EVC2: variants seen among roughly 807,000 people sequenced by gnomAD.
The protein encoded by EVC2 is EvC ciliary complex subunit 2.
A neutral mutation model predicts 149.3 loss-of-function variants in EVC2; 148 were observed. That is an observed-to-expected ratio of 0.99 (90% CI 0.87 to 1.14). The LOEUF (loss-of-function observed/expected upper bound fraction) is 1.14. Among genes scored for constraint, EVC2 ranks in the 50% most tolerant of loss-of-function variants. The probability of loss-of-function intolerance (pLI) is 0.00; values close to 1 mark genes in which losing one functional copy is unlikely to be tolerated. For missense variants in EVC2, 1,854 were observed against 1,627.3 expected, an observed-to-expected ratio of 1.14 and a Z score of -2.40; for synonymous variants, 776 against 649.9, an observed-to-expected ratio of 1.19 and a Z score of -2.95.
At chr4:5,638,034 T>C (rs992848610) in intron 10 of EVC2, among the ~76,000 whole-genome samples, 1 of 152,154 alleles carries the variant, frequency 6.6e-6, no homozygotes, top group Non-Finnish European at 1.5e-5. Flanking sequence ...CCTTGTTTGC[T>C]GACCACTGCC....
At chr4:5,632,169 A>G in intron 10 of EVC2, 137 bp from the exon 11 acceptor site, 1 of 1,164,796 alleles carries the variant, frequency 8.6e-7, no homozygotes, top group Non-Finnish European at 1.2e-6. Flanking sequence ...CATATGCATT[A>G]CAATATATAC....
At chr4:5,536,580 C>G in the EVC2 span, among the ~76,000 whole-genome samples, 7 of 151,992 alleles carry the variant, frequency 4.6e-5, no homozygotes, top group East Asian at 1.9e-4. Flanking sequence ...GTCAGGAGAT[C>G]GAGACCATCT....
At chr4:5,572,829 G>A (rs989542276) in intron 19 of EVC2, among the ~76,000 whole-genome samples, 38 of 152,144 alleles carry the variant, frequency 2.5e-4, no homozygotes, top group African/African-American at 8.0e-4. Context: ...GAGAGTGGGA[G>A]ATGGCTCAGT....
rs930231120 is a variant in EVC2 at position 5,576,722 on chromosome 4, C to T, written c.3058-268G>A. On this transcript the variant is annotated intron_variant, in intron 17 of 21. Transcript: ENST00000344408. This position sits in a 1 kb window ranked among gnomAD's most constrained non-coding sequence, Gnocchi z 4.5. ...AATCCCCAGTCTTCTTTCACCCCTC[C>T]GCTTAAGAAGAAACTCCTTGGTGAA... Among the ~76,000 whole-genome samples the T allele has an allele frequency of 2.6e-5, 4 of 152,190 alleles. No homozygotes were observed. The highest frequency in any genetic ancestry group is 1.9e-4 in the East Asian group (1 of 5,196).
At chr4:5,597,401 G>A (rs1336981794) in intron 16 of EVC2, among the ~76,000 whole-genome samples, 1 of 152,114 alleles carries the variant, frequency 6.6e-6, no homozygotes, top group African/African-American at 2.4e-5. Context: ...TGGGATGGAA[G>A]GCTGGTTCAA....
rs1029052021 is a variant in EVC2 at position 5,622,104 on chromosome 4, G to A, written c.2501+433C>T. On this transcript the variant is annotated intron_variant, in intron 14 of 21. Coordinates refer to ENST00000344408, the MANE Select transcript of EVC2 (RefSeq NM_147127.5). The surrounding 1 kb of genome is among the most constrained non-coding windows in gnomAD (Gnocchi z 5.8). ...TGCCTGGTGAAACTAGCAGGGCCTGGAATGGCCTAACCGCAAGCTCCCCTT... is the reference window on the plus strand; with the variant it reads ...TGCCTGGTGAAACTAGCAGGGCCTGAAATGGCCTAACCGCAAGCTCCCCTT... 6.6e-6 allele frequency among the ~76,000 whole-genome samples: 1 copy of A among 152,082 alleles called. No homozygotes were observed. Among genetic ancestry groups the A allele is most frequent in the Non-Finnish European group, 1.5e-5 (1 of 68,006 alleles).
intron 5 of EVC2, 44 bp from the exon 6 acceptor site, chr4:5,685,523 C>T (rs369110974): frequency 2.6e-5 from 41 of 1,562,374 alleles, no homozygotes; most frequent in African/African-American, 8.1e-5. Flanking sequence ...GGCTTGGCCA[C>T]GCCCCCGGCT....
At chr4:5,604,424 C>G (rs1221139560) in intron 16 of EVC2, among the ~76,000 whole-genome samples, 1 of 152,132 alleles carries the variant, frequency 6.6e-6, no homozygotes, top group African/African-American at 2.4e-5. Context: ...AAAGTTACGT[C>G]AGTGTTAAGT....
At chr4:5,639,885 T>C (rs1365337355) in intron 10 of EVC2, among the ~76,000 whole-genome samples, 1 of 152,222 alleles carries the variant, frequency 6.6e-6, no homozygotes, top group African/African-American at 2.4e-5. Context: ...GATTTTTTTA[T>C]AAGATTATGA....
Position 5,657,641 on chromosome 4 carries a change from A to G in EVC2, c.1145+5466T>C, listed in dbSNP as rs938442115. 6.6e-6 allele frequency among the ~76,000 whole-genome samples: 1 copy of G among 151,754 alleles called. No homozygotes were observed. The highest frequency in any genetic ancestry group is 1.5e-5 in the Non-Finnish European group (1 of 67,972). On this transcript the variant is annotated intron_variant, in intron 9 of 21. Transcript: ENST00000344408. This position sits in a 1 kb window ranked among gnomAD's most constrained non-coding sequence, Gnocchi z 4.7. ...CACCTACTGTGCCAGGCACTGTTGG[A>G]GGCACTGGGGATGAATCAGCAAGCA...
chr4:5,549,541 T>A (rs1366797522), intron 21 of EVC2, among the ~76,000 whole-genome samples: 1 of 152,214 alleles, frequency 6.6e-6, no homozygotes, highest in African/African-American at 2.4e-5. Context: ...GGACATTTAG[T>A]CTTTCTGATC....
At chr4:5,607,651 G>A (rs566134308) in intron 16 of EVC2, among the ~76,000 whole-genome samples, 1 of 152,196 alleles carries the variant, frequency 6.6e-6, no homozygotes, top group African/African-American at 2.4e-5. Flanking sequence ...TTTCCTCCAA[G>A]AATCAGTCAT....
chr4:5,617,751 G>A lies in EVC2; in HGVS notation c.2706+727C>T, dbSNP rs114905032. 8.5e-3 allele frequency among the ~76,000 whole-genome samples: 1,301 copies of A among 152,284 alleles called. 15 individuals are homozygous for A. Among genetic ancestry groups the A allele is most frequent in the African/African-American group, 0.029 (1,224 of 41,542 alleles). On this transcript the variant is annotated intron_variant, in intron 15 of 21. Transcript: ENST00000344408. ...TATGTGGCAGAGAAAACAGAAGTTC[G>A]AAGGCCTTATCTTATGTTGGGAGCC...
chr4:5,672,905 G>A (rs73065653), intron 7 of EVC2, among the ~76,000 whole-genome samples: 11,346 of 152,200 alleles, frequency 0.075, 906 homozygotes, highest in African/African-American at 0.2. Context: ...AAAAGGACAC[G>A]TACTGTGTGA....
chr4:5,602,246 T>C (rs1714038303), intron 16 of EVC2, among the ~76,000 whole-genome samples: 1 of 144,406 alleles, frequency 6.9e-6, no homozygotes, highest in Non-Finnish European at 1.5e-5. Context: ...GCTATGACTG[T>C]GCCACTGCAC....
rs138044649 is a variant in EVC2 at position 5,650,431 on chromosome 4, G to C, written c.1146-9593C>G. On this transcript the variant is annotated intron_variant, in intron 9 of 21. Coordinates refer to ENST00000344408, the MANE Select transcript of EVC2 (RefSeq NM_147127.5). ...TGGGCTTGGAAGTCACATTAACTTA[G>C]CTTCTAATATCAGCTTTACCCCTCA... Among the ~76,000 whole-genome samples, 626 of 151,814 alleles carry C rather than the reference G, an allele frequency of 4.1e-3. 5 individuals carry two copies. Among genetic ancestry groups the C allele is most frequent in the Middle Eastern group, 0.02 (6 of 294 alleles).
chr4:5,702,728 G>A (rs902197433), intron 1 of EVC2, among the ~76,000 whole-genome samples: 3 of 152,122 alleles, frequency 2.0e-5, no homozygotes, highest in Admixed American at 6.5e-5. Flanking sequence ...TGATAAATTC[G>A]CACAGAAATC....
rs568255825 is a variant in EVC2 at position 5,657,947 on chromosome 4, G to C, written c.1145+5160C>G. Among the ~76,000 whole-genome samples, 3 of 152,046 alleles carry C rather than the reference G, an allele frequency of 2.0e-5. No homozygotes were observed. In the South Asian group the frequency reaches 6.3e-4, roughly 32 times the overall value. On this transcript the variant is annotated intron_variant, in intron 9 of 21. Coordinates refer to ENST00000344408, the MANE Select transcript of EVC2 (RefSeq NM_147127.5). The surrounding 1 kb of genome is among the most constrained non-coding windows in gnomAD (Gnocchi z 4.7). The stretch of plus-strand genomic sequence containing the variant: ...ATGTCCACATCCCTTCCCACCTCTT[G>C]TGCTTGCTGCCCACTCCAAAACGCT...
At position 5,563,043 on chromosome 4, in the gene EVC2, C is replaced by A. The variant is rs774269538; in HGVS notation, c.3732G>T (p.Leu1244=). Residue 1244 remains leucine (L), a synonymous_variant, in exon 22 of 22, where the codon CTG becomes CTT. Transcript: ENST00000344408. ...CCAGTTCGCCAATGGGCTCCAGTGA[C>A]AGGTGTGGCCAACTTCCTTTTCCAG... The part of the protein sequence containing the change: ...IFSGKGSWPH[L]SLEPIGELAP... 2.5e-6 allele frequency: 4 copies of A among 1,614,170 alleles called. No individual in the cohort carries two copies. The highest frequency in any genetic ancestry group is 3.4e-6 in the Non-Finnish European group (4 of 1,180,028).
Sources: allele counts gnomAD v4.1 joint callset (sites outside exome capture counted in the v4.1 genomes callset), GRCh38; gene constraint gnomAD v4.1.1; non-coding constraint Gnocchi (gnomAD v3.1); transcripts MANE v1.5; gene names NCBI Gene and HGNC (gene_info 2026-07-23, HGNC 2026-07-21).